NPFFR2: variants seen among roughly 807,000 people sequenced by gnomAD.
NPFFR2 encodes G-protein coupled receptor 74.
NPFFR2 carries 15 observed loss-of-function variants against 13.1 expected under a neutral mutation model. The observed-to-expected ratio is 1.15, with a 90% confidence interval of 0.77 to 1.76. The LOEUF (loss-of-function observed/expected upper bound fraction) is 1.76. NPFFR2 is among the 40% of genes most tolerant of loss of function. The probability of loss-of-function intolerance (pLI) is 0.00; values close to 1 mark genes in which losing one functional copy is unlikely to be tolerated. For synonymous variants in NPFFR2, 190 were observed against 175.7 expected (o/e 1.08, Z -0.65); for missense variants, 572 against 503.5 (o/e 1.14, Z -1.30).
At chr4:72,098,161 A>G (rs960373591) in intron 1 of NPFFR2, among the ~76,000 whole-genome samples, 2 of 151,698 alleles carry the variant, frequency 1.3e-5, no homozygotes, top group African/African-American at 4.9e-5. Flanking sequence ...TTTAGCAATT[A>G]TGGAAACAAC....
chr4:72,056,370 T>C (rs1446071143), intron 1 of NPFFR2, among the ~76,000 whole-genome samples: 1 of 152,020 alleles, frequency 6.6e-6, no homozygotes, highest in African/African-American at 2.4e-5. Flanking sequence ...CTCTATACTT[T>C]CAGCCCACTA....
At chr4:72,094,853 C>T (rs1721016386) in intron 1 of NPFFR2, among the ~76,000 whole-genome samples, 1 of 152,196 alleles carries the variant, frequency 6.6e-6, no homozygotes, top group African/African-American at 2.4e-5. Flanking sequence ...CTGGTATGTT[C>T]CTGCCGTGGT....
chr4:72,076,006 C>CACACACAG lies in NPFFR2; in HGVS notation c.-8+43807_-8+43808insCACACAGA, dbSNP rs746237728. 4.7e-3 allele frequency among the ~76,000 whole-genome samples: 574 copies of CACACACAG among 122,794 alleles called. 4 individuals carry two copies. Among genetic ancestry groups the CACACACAG allele is most frequent in the African/African-American group, 0.017 (458 of 26,220 alleles). 80.6% of individuals were successfully genotyped at this position (122,794 alleles called of 152,430 possible). A position where few individuals can be genotyped will look rare whatever the true frequency, so the allele number is the denominator to read the frequency against. ...ACACACACACACACACACACACACA[C>CACACACAG]AGAGAGAGAGAGAGGGCAGACAGCA... On this transcript the variant is annotated intron_variant, in intron 1 of 3. Coordinates refer to ENST00000308744, the MANE Select transcript of NPFFR2 (RefSeq NM_004885.3).
intron 1 of NPFFR2, among the ~76,000 whole-genome samples, chr4:72,078,446 A>G (rs1455374284): frequency 6.6e-6 from 1 of 152,180 alleles, no homozygotes; most frequent in Non-Finnish European, 1.5e-5. Flanking sequence ...CATGAGTTTC[A>G]AAAGATCTGG....
rs761935303 is a variant in NPFFR2, at chr4:72,147,317, G to A, written c.768G>A (p.Arg256=). ...GGGCTGCAGTTCCTCACACAGGCAG[G>A]AAGAACCAGGAGCAGTGGCACGTGG... ...LFRAAVPHTG[R]KNQEQWHVVS... is the part of the protein sequence containing the mutation. The change falls in exon 4 of 4, where the codon AGG becomes AGA. Residue 256 remains arginine, a synonymous_variant. Transcript: ENST00000308744. The A allele has an allele frequency of 2.5e-6, 4 of 1,614,028 alleles. No individual in the cohort carries two copies. Among genetic ancestry groups the A allele is most frequent in the Non-Finnish European group, 8.5e-7 (1 of 1,180,034 alleles).
intron 1 of NPFFR2, among the ~76,000 whole-genome samples, chr4:72,059,270 T>G (rs1455119211): frequency 6.6e-6 from 1 of 152,050 alleles, no homozygotes; most frequent in Non-Finnish European, 1.5e-5. Flanking sequence ...ATGACAGAGT[T>G]AAAGAAAAGA....
chr4:72,125,157 TAACA>T (rs1315298900), intron 1 of NPFFR2, among the ~76,000 whole-genome samples: 1 of 152,236 alleles, frequency 6.6e-6, no homozygotes, highest in South Asian at 2.1e-4. Context: ...TTTATGAGGC[TAACA>T]AACATATGGA....
chr4:72,066,876 CA>C (rs1720086877), intron 1 of NPFFR2, among the ~76,000 whole-genome samples: 2 of 152,242 alleles, frequency 1.3e-5, no homozygotes, highest in Admixed American at 1.3e-4. Context: ...TGGGTGCCTA[CA>C]GCTCTCCCAG....
chr4:72,124,187 T>C (rs1253212939), intron 1 of NPFFR2, among the ~76,000 whole-genome samples: 1 of 151,970 alleles, frequency 6.6e-6, no homozygotes, highest in East Asian at 1.9e-4. Flanking sequence ...ATAAAATACC[T>C]AGGAATACAA....
rs746172911 is a variant in NPFFR2, at chr4:72,076,006, CAGAG to C, written c.-8+43817_-8+43820del. 1.0e-3 allele frequency among the ~76,000 whole-genome samples: 128 copies of C among 122,830 alleles called. 1 individual carries two copies. The highest frequency in any genetic ancestry group is 3.4e-3 in the African/African-American group (89 of 26,248). The allele number at this position is 122,830 out of a possible 152,430, so 80.6% of individuals were successfully genotyped here. A position where few individuals can be genotyped will look rare whatever the true frequency, so the allele number is the denominator to read the frequency against. On this transcript the variant is annotated intron_variant, in intron 1 of 3. Transcript: ENST00000308744. Reference sequence around the variant, plus strand: ...ACACACACACACACACACACACACACAGAGAGAGAGAGAGGGCAGACAGCACAAG... The same window carrying C: ...ACACACACACACACACACACACACACAGAGAGAGAGGGCAGACAGCACAAG...
chr4:72,141,533 G>C (rs1309553360), intron 3 of NPFFR2, among the ~76,000 whole-genome samples: 2 of 152,178 alleles, frequency 1.3e-5, no homozygotes, highest in African/African-American at 4.8e-5. Flanking sequence ...TAGTCATTCA[G>C]GAGCAGGTTG....
At chr4:72,115,988 GAATTAA>G (rs1468638607) in intron 1 of NPFFR2, among the ~76,000 whole-genome samples, 4 of 152,014 alleles carry the variant, frequency 2.6e-5, no homozygotes, top group Non-Finnish European at 5.9e-5. Flanking sequence ...ACACACATTA[GAATTAA>G]AATTAAAAAT....
intron 1 of NPFFR2, among the ~76,000 whole-genome samples, chr4:72,059,522 A>G (rs1353876315): frequency 1.3e-5 from 2 of 152,094 alleles, no homozygotes; most frequent in Non-Finnish European, 2.9e-5. Context: ...ATGTAAGAGG[A>G]ATCAACAACT....
chr4:72,125,354 G>C lies in NPFFR2; in HGVS notation c.-7-3231G>C, dbSNP rs1184474613. The stretch of plus-strand genomic sequence containing the variant: ...AAGTTTAAATTAGTTCAACCATTGT[G>C]GAAAAGAAAACCTCCAACCTCTCAA... On this transcript the variant is annotated intron_variant, in intron 1 of 3. Coordinates refer to ENST00000308744, the MANE Select transcript of NPFFR2 (RefSeq NM_004885.3). Among the ~76,000 whole-genome samples, 16 of 152,142 alleles carry C rather than the reference G, an allele frequency of 1.1e-4. 1 individual carries two copies. Among genetic ancestry groups the C allele is most frequent in the Admixed American group, 1.0e-3 (16 of 15,268 alleles).
intron 1 of NPFFR2, among the ~76,000 whole-genome samples, chr4:72,105,968 A>T (rs1721408884): frequency 6.6e-6 from 1 of 152,004 alleles, no homozygotes; most frequent in Non-Finnish European, 1.5e-5. Context: ...CCATACAGAA[A>T]TTGTAAAGAG....
At chr4:72,053,709 C>A (rs377077237) in intron 1 of NPFFR2, among the ~76,000 whole-genome samples, 1 of 151,748 alleles carries the variant, frequency 6.6e-6, no homozygotes, top group Non-Finnish European at 1.5e-5. Context: ...TCTATGTACA[C>A]AATCATGCAT....
At chr4:72,137,897 G>C (rs1722467388) in intron 2 of NPFFR2, 143 bp from the exon 3 acceptor site, 2 of 638,492 alleles carry the variant, frequency 3.1e-6, no homozygotes, top group Non-Finnish European at 5.6e-6. Flanking sequence ...GATATTAGGG[G>C]AAATACTGAG....
chr4:72,071,051 A>C (rs372345389), intron 1 of NPFFR2, among the ~76,000 whole-genome samples: 3 of 152,272 alleles, frequency 2.0e-5, no homozygotes, highest in East Asian at 1.9e-4. Context: ...GCAAATTATC[A>C]AAAGCAAATA....
chr4:72,059,079 C>T (rs1334356341), intron 1 of NPFFR2, among the ~76,000 whole-genome samples: 1 of 152,076 alleles, frequency 6.6e-6, no homozygotes, highest in Non-Finnish European at 1.5e-5. Context: ...AAACTTTATT[C>T]AGGTGGCAAT....
Sources: allele counts gnomAD v4.1 joint callset (sites outside exome capture counted in the v4.1 genomes callset), GRCh38; gene constraint gnomAD v4.1.1; transcripts MANE v1.5; gene names NCBI Gene and HGNC (gene_info 2026-07-23, HGNC 2026-07-21).